MDN1: variants seen among roughly 807,000 people sequenced by gnomAD.
The protein encoded by MDN1 is midasin AAA ATPase 1.
MDN1 carries 266 observed loss-of-function variants against 669.2 expected under a neutral mutation model. The ratio of observed to expected loss-of-function variants is 0.40; its 90% CI spans 0.36 to 0.44. The LOEUF (loss-of-function observed/expected upper bound fraction) is 0.44. MDN1 is among the 20% of genes least tolerant of loss of function. The pLI, the probability that MDN1 is intolerant of heterozygous loss-of-function variation, is 1.00. For synonymous variants in MDN1, 2,385 were observed against 2,457.1 expected (o/e 0.97, Z 0.87); for missense variants, 5,940 against 6,754.0 (o/e 0.88, Z 4.22).
Position 89,695,104 on chromosome 6 carries a change from G to T in MDN1, c.9771+501C>A, listed in dbSNP as rs1313820920. Among the ~76,000 whole-genome samples, 1 of 152,060 alleles carries T rather than the reference G, an allele frequency of 6.6e-6. No individual in the cohort carries two copies. The highest frequency in any genetic ancestry group is 1.5e-5 in the Non-Finnish European group (1 of 68,014). ...AAAAATTAGCCAGGCGTGGTAGCGG[G>T]TTCCTGTAATCCCAGCTACTCGGGA... On this transcript the variant is annotated intron_variant, in intron 61 of 101. Transcript: ENST00000369393. The surrounding 1 kb of genome is among the most constrained non-coding windows in gnomAD (Gnocchi z 4.1).
chr6:89,686,468 C>T (rs1203218515), intron 69 of MDN1, among the ~76,000 whole-genome samples: 2 of 152,034 alleles, frequency 1.3e-5, no homozygotes, highest in Non-Finnish European at 2.9e-5. Context: ...ATAAAAGTAG[C>T]AGCTGCACAT....
chr6:89,800,343 C>T (rs1456447707), intron 2 of MDN1, among the ~76,000 whole-genome samples: 4 of 152,022 alleles, frequency 2.6e-5, no homozygotes, highest in Admixed American at 6.6e-5. Context: ...AGGAGAATCA[C>T]GTGAACCTGG....
At position 89,658,645 on chromosome 6, in the gene MDN1, C is replaced by G. The variant is rs1809503111; in HGVS notation, c.14986G>C (p.Glu4996Gln). The G allele has an allele frequency of 6.2e-7, 1 of 1,612,954 alleles. No homozygotes were observed. The highest frequency in any genetic ancestry group is 2.2e-5 in the East Asian group (1 of 44,846). Residue 4996 changes from glutamate (E) to glutamine (Q), a missense_variant, in exon 89 of 102, where the codon GAG (glutamate) becomes CAG (glutamine). Glu to Gln is a conservative substitution (Grantham distance 29, BLOSUM62 2). Around this residue, in one of 5 missense-constraint regions of MDN1, gnomAD observed 2,280 missense variants for 2,576.3 expected, o/e 0.88. Transcript: ENST00000369393. ...AAACCTTGGTCAGCAGGGCCATTCT[C>G]TCCACCTTCTTCATCGGCTTCCTTG... ...KDKEADEEGG[E>Q]NGPADQGFQP...
intron 7 of MDN1, among the ~76,000 whole-genome samples, chr6:89,788,523 T>C (rs2128326080): frequency 6.6e-6 from 1 of 152,256 alleles, no homozygotes; most frequent in Middle Eastern, 3.4e-3. Context: ...AGAATTCTGT[T>C]ATGTGTAGGG....
chr6:89,801,649 CA>C (rs142646455), intron 2 of MDN1, among the ~76,000 whole-genome samples: 65 of 139,818 alleles, frequency 4.6e-4, no homozygotes, highest in South Asian at 4.4e-3. Flanking sequence ...GACTCCGTCT[CA>C]AAAAAAAAAC....
rs755548098 is a variant in MDN1, at chr6:89,774,705, G to A, written c.1850C>T (p.Pro617Leu). Residue 617 changes from proline (P) to leucine (L), a missense_variant, in exon 13 of 102, where the codon CCA becomes CTA. Transcript: ENST00000369393. ...KAEFFCQLYKPEIVINELDLQ... is the reference protein window; with the variant it reads ...KAEFFCQLYKLEIVINELDLQ... The stretch of plus-strand genomic sequence containing the variant: ...ATCTAGCTCATTGATCACAATTTCT[G>A]GTTTATAAAGTTGACAAAAGAATTC... 6.2e-7 allele frequency: 1 copy of A among 1,613,282 alleles called. No homozygotes were observed. Among genetic ancestry groups the A allele is most frequent in the Non-Finnish European group, 8.5e-7 (1 of 1,179,446 alleles).
At chr6:89,678,079 C>T (rs1811344632) in intron 75 of MDN1, among the ~76,000 whole-genome samples, 1 of 152,234 alleles carries the variant, frequency 6.6e-6, no homozygotes, top group African/African-American at 2.4e-5. Context: ...TGAGACCATC[C>T]TGGCTAACAC....
chr6:89,787,982 C>G, intron 7 of MDN1, 25 bp from the exon 8 acceptor site: 1 of 1,547,516 alleles, frequency 6.5e-7, no homozygotes, highest in African/African-American at 1.4e-5. Flanking sequence ...AACAACCGCA[C>G]TGATAAAGTA....
At position 89,755,102 on chromosome 6, in the gene MDN1, A is replaced by C. The variant is rs567956234; in HGVS notation, c.2817-872T>G. The stretch of plus-strand genomic sequence containing the variant: ...TAAAATAAGGCACTTATAAAAGTTT[A>C]CCTTTAGCATCTGGAATCTTAACTA... On this transcript the variant is annotated intron_variant, in intron 20 of 101. Coordinates refer to ENST00000369393, the MANE Select transcript of MDN1 (RefSeq NM_014611.3). Among the ~76,000 whole-genome samples, 461 of 152,210 alleles carry C rather than the reference A, an allele frequency of 3.0e-3. 3 individuals are homozygous for C. The highest frequency in any genetic ancestry group is 0.011 in the African/African-American group (444 of 41,534).
intron 27 of MDN1, among the ~76,000 whole-genome samples, chr6:89,746,876 T>G (rs1816665840): frequency 6.6e-6 from 1 of 152,152 alleles, no homozygotes; most frequent in Non-Finnish European, 1.5e-5. Context: ...CAGTAACAAA[T>G]TTTTCCCATG....
intron 31 of MDN1, 39 bp from the exon 32 acceptor site, chr6:89,740,417 CAAT>C: frequency 6.6e-7 from 1 of 1,519,712 alleles, no homozygotes; most frequent in South Asian, 1.3e-5. Context: ...AGGGCTTATA[CAAT>C]CTTTCTGTTT....
chr6:89,643,645 T>G lies in MDN1; in HGVS notation c.*360A>C. The G allele has an allele frequency of 5.4e-6, 1 of 185,406 alleles. No homozygotes were observed. The highest frequency in any genetic ancestry group is 1.1e-5 in the Non-Finnish European group (1 of 88,732). The allele number at this position is 185,406 out of a possible 1,614,324, so 11.5% of individuals were successfully genotyped here. A position where few individuals can be genotyped will look rare whatever the true frequency, so the allele number is the denominator to read the frequency against. On this transcript the variant is annotated 3_prime_UTR_variant, in exon 102 of 102. Coordinates refer to ENST00000369393, the MANE Select transcript of MDN1 (RefSeq NM_014611.3). ...TATACAAAGGACTGTCAGAGTCCCA[T>G]GCTCCTGGCAGCATCTCCTCAAGGC...
At chr6:89,749,450 T>C in intron 25 of MDN1, 81 bp from the exon 26 acceptor site, 1 of 1,594,006 alleles carries the variant, frequency 6.3e-7, no homozygotes, top group South Asian at 1.1e-5. Flanking sequence ...CCATAAAATA[T>C]TAAAGGAGAA....
In MDN1 at chr6:89,722,939, C is replaced by G. The variant is rs569737481; in HGVS notation, c.5967+16G>C. 2.5e-6 allele frequency: 4 copies of G among 1,595,282 alleles called. No homozygotes were observed. In the South Asian group the frequency reaches 4.5e-5, roughly 18 times the overall value. ...TTCAGATGGAAAGAAATACAAATACCAAGCGTGAAACTCACCTTTTTTTTG... is the reference window on the plus strand; with the variant it reads ...TTCAGATGGAAAGAAATACAAATACGAAGCGTGAAACTCACCTTTTTTTTG... On this transcript the variant is annotated intron_variant, in intron 40 of 101. Transcript: ENST00000369393.
In MDN1 at chr6:89,772,675, C is replaced by T. The variant is rs1420998409; in HGVS notation, c.1981G>A (p.Glu661Lys). ...TTGCTGACACACACTGCAAGCTGCT[C>T]GATGAGAACAGAGGACGGCCGTGTA... ...AATRPSSVLI[E>K]QLAVCVSKGE... Residue 661 changes from glutamate to lysine, a missense_variant, in exon 14 of 102, where the codon GAG becomes AAG. Around this residue, in one of 5 missense-constraint regions of MDN1, gnomAD observed 1,203 missense variants for 1,268.9 expected, o/e 0.95. Coordinates refer to ENST00000369393, the MANE Select transcript of MDN1 (RefSeq NM_014611.3). 1.2e-6 allele frequency: 2 copies of T among 1,613,922 alleles called. No individual in the cohort carries two copies. The highest frequency in any genetic ancestry group is 1.7e-5 in the Admixed American group (1 of 59,994).
rs1165656073 is a variant in MDN1 at position 89,763,318 on chromosome 6, TA to T, written c.2145-789del. On this transcript the variant is annotated intron_variant, in intron 15 of 101. Transcript: ENST00000369393. ...ATATTGCTTTCAATGGGATAAAAAT[TA>T]GGGTAGGGCACGCAAAAAAAAAAAA... 2.2e-5 allele frequency among the ~76,000 whole-genome samples: 3 copies of T among 136,254 alleles called. No homozygotes were observed. The Admixed American group carries it at 2.3e-4, about 10-fold the overall frequency. The allele number at this position is 136,254 out of a possible 152,430, so 89.4% of individuals were successfully genotyped here.
At chr6:89,706,596 T>G (rs1326203060) in intron 52 of MDN1, among the ~76,000 whole-genome samples, 1 of 152,182 alleles carries the variant, frequency 6.6e-6, no homozygotes, top group Non-Finnish European at 1.5e-5. Flanking sequence ...ATCATGTCAG[T>G]GCTCAAAAAG....
intron 64 of MDN1, among the ~76,000 whole-genome samples, 169 bp downstream of exon 64, chr6:89,690,504 G>A (rs1047520803): frequency 1.3e-5 from 2 of 152,136 alleles, no homozygotes; most frequent in African/African-American, 4.8e-5. Context: ...GCTGCAGTGA[G>A]CTATGATTGC....
rs1047136610 is a variant in MDN1, at chr6:89,653,103, T to C, written c.15714A>G (p.Gln5238=). Reference sequence around the variant, plus strand: ...TATGGGCTTTGTCTGTTCTGGGGTCTTGGTCTTCCTCTGTTTTAACAGTTT... The same window carrying C: ...TATGGGCTTTGTCTGTTCTGGGGTCCTGGTCTTCCTCTGTTTTAACAGTTT... ...EIQTVKTEED[Q]DPRTDKAHKE... Residue 5238 remains glutamine, a synonymous_variant, in exon 94 of 102, where the codon CAA becomes CAG. Transcript: ENST00000369393. 12 of 1,614,062 alleles carry C rather than the reference T, an allele frequency of 7.4e-6. No homozygotes were observed. Among genetic ancestry groups the C allele is most frequent in the Non-Finnish European group, 1.0e-5 (12 of 1,179,978 alleles).
Sources: gnomAD v4.1 joint callset for allele counts (sites outside exome capture counted in the v4.1 genomes callset) on GRCh38, gnomAD v4.1.1 for gene constraint, gnomAD v4.1.1 regional missense constraint, Gnocchi (gnomAD v3.1) non-coding constraint, MANE v1.5 for transcripts, NCBI Gene and HGNC (gene_info 2026-07-23, HGNC 2026-07-21) for gene names.